Variants in CNTNAP2 observed in about 807,000 individuals in gnomAD.
The protein encoded by CNTNAP2 is contactin-associated protein-like 2.
Under a neutral mutation model 155.2 loss-of-function variants are expected in CNTNAP2, and 98 were observed. The observed-to-expected ratio is 0.63, with a 90% CI of 0.54 to 0.75. CNTNAP2 has a LOEUF of 0.75. Among genes scored for constraint, CNTNAP2 ranks in the 30% least tolerant of loss-of-function variants. The pLI, the probability that CNTNAP2 is intolerant of heterozygous loss-of-function variation, is 0.00. For synonymous variants in CNTNAP2, 651 were observed against 631.2 expected, an observed-to-expected ratio of 1.03 and a Z score of -0.47; for missense variants, 1,727 against 1,688.1, an observed-to-expected ratio of 1.02 and a Z score of -0.40.
intron 1 of CNTNAP2, among the ~76,000 whole-genome samples, chr7:146,650,864 A>G (rs911587242): frequency 2.6e-5 from 4 of 152,126 alleles, no homozygotes; most frequent in East Asian, 3.9e-4. Flanking sequence ...GATTCCTTTC[A>G]TTAGAAAACA....
intron 1 of CNTNAP2, among the ~76,000 whole-genome samples, chr7:146,501,604 G>T (rs1389561014): frequency 6.6e-6 from 1 of 152,012 alleles, no homozygotes; most frequent in South Asian, 2.1e-4. Context: ...TCAACCGTAA[G>T]TAATTAGAGT....
intron 8 of CNTNAP2, among the ~76,000 whole-genome samples, chr7:147,164,744 G>A (rs969492387): frequency 6.6e-6 from 1 of 152,096 alleles, no homozygotes. Flanking sequence ...TTCTAAATAT[G>A]CGCTTTTCAA....
At chr7:146,751,172 AT>A (rs1442484257) in intron 1 of CNTNAP2, among the ~76,000 whole-genome samples, 3 of 152,204 alleles carry the variant, frequency 2.0e-5, no homozygotes, top group African/African-American at 7.2e-5. Flanking sequence ...GATAATCAGG[AT>A]AACTTTTGAA....
At chr7:147,854,958 A>G (rs1473708121) in intron 13 of CNTNAP2, among the ~76,000 whole-genome samples, 1 of 152,238 alleles carries the variant, frequency 6.6e-6, no homozygotes, top group Admixed American at 6.5e-5. Context: ...AAGAGAATAT[A>G]AAATAGCCCA....
intron 13 of CNTNAP2, among the ~76,000 whole-genome samples, chr7:147,703,296 A>T (rs1480624476): frequency 1.3e-5 from 2 of 152,214 alleles, no homozygotes; most frequent in Admixed American, 1.3e-4. Context: ...TCTAACAGTA[A>T]TGAATTTCTG....
At chr7:147,131,691 ATATC>A (rs1052222835) in intron 7 of CNTNAP2, among the ~76,000 whole-genome samples, 9 of 152,236 alleles carry the variant, frequency 5.9e-5, no homozygotes, top group South Asian at 2.1e-4. Context: ...TGAAAACTTA[ATATC>A]TATCTATCTA....
At chr7:146,339,437 A>G (rs1801336005) in intron 1 of CNTNAP2, among the ~76,000 whole-genome samples, 2 of 152,166 alleles carry the variant, frequency 1.3e-5, no homozygotes, top group African/African-American at 4.8e-5. Flanking sequence ...ATTATTCCAT[A>G]GTGACATGTC....
At chr7:146,614,281 C>T (rs1799187778) in intron 1 of CNTNAP2, among the ~76,000 whole-genome samples, 2 of 152,114 alleles carry the variant, frequency 1.3e-5, no homozygotes, top group Admixed American at 1.3e-4. Flanking sequence ...TATGTGTAAG[C>T]TTTATTTTTA....
In CNTNAP2 at chr7:147,065,075, C is replaced by T. The variant is rs1057105418; in HGVS notation, c.550+21021C>T. On this transcript the variant is annotated intron_variant, in intron 4 of 23. Coordinates refer to ENST00000361727, the MANE Select transcript of CNTNAP2 (RefSeq NM_014141.6). ...AGTTTAGATGAGATTGTTTTAAATG[C>T]ACAAATGGACAAGAAATCTACTGTA... Among the ~76,000 whole-genome samples, 11 of 152,246 alleles carry T rather than the reference C, an allele frequency of 7.2e-5. No homozygotes were observed. In the South Asian group the frequency reaches 2.3e-3, roughly 32 times the overall value.
At chr7:146,633,067 C>T (rs1799535899) in intron 1 of CNTNAP2, among the ~76,000 whole-genome samples, 3 of 152,026 alleles carry the variant, frequency 2.0e-5, no homozygotes, top group Admixed American at 1.3e-4. Context: ...TTTCTTTGTC[C>T]CTTTTTTAGT....
chr7:147,334,199 G>A (rs544982050), intron 9 of CNTNAP2, among the ~76,000 whole-genome samples: 1 of 152,220 alleles, frequency 6.6e-6, no homozygotes, highest in African/African-American at 2.4e-5. Context: ...TCCATCTTTT[G>A]TAGTTATTCT....
chr7:146,867,304 G>A (rs1399120017), intron 3 of CNTNAP2, among the ~76,000 whole-genome samples: 1 of 152,074 alleles, frequency 6.6e-6, no homozygotes, highest in African/African-American at 2.4e-5. Context: ...AGTTTGCTAA[G>A]GATGATGACC....
intron 13 of CNTNAP2, among the ~76,000 whole-genome samples, chr7:147,732,302 A>T (rs141996615): frequency 3.3e-5 from 5 of 149,938 alleles, no homozygotes; most frequent in African/African-American, 1.2e-4. Flanking sequence ...GTTTTCTGTC[A>T]TTGCGATAGT....
intron 1 of CNTNAP2, among the ~76,000 whole-genome samples, chr7:146,386,577 G>A (rs1210543703): frequency 6.6e-5 from 10 of 152,048 alleles, no homozygotes; most frequent in East Asian, 3.9e-4. Context: ...CAGTAGAGAC[G>A]GGGTTTCACC....
At chr7:146,154,275 A>G (rs923130374) in intron 1 of CNTNAP2, among the ~76,000 whole-genome samples, 9 of 152,150 alleles carry the variant, frequency 5.9e-5, no homozygotes, top group African/African-American at 1.2e-4. Flanking sequence ...GGGTTGCTAT[A>G]TATTCCCCCC....
chr7:146,304,213 C>G (rs564759401), intron 1 of CNTNAP2, among the ~76,000 whole-genome samples: 1 of 151,386 alleles, frequency 6.6e-6, no homozygotes, highest in East Asian at 1.9e-4. Flanking sequence ...TGGGTCTTGA[C>G]TCTTTATCCA....
At chr7:148,176,859 T>C (rs1453310980) in intron 18 of CNTNAP2, among the ~76,000 whole-genome samples, 10 of 152,190 alleles carry the variant, frequency 6.6e-5, no homozygotes, top group Non-Finnish European at 1.5e-5. Flanking sequence ...GGTTTAACTG[T>C]GGGTCTGTCA....
chr7:147,826,326 A>G (rs143369847), intron 13 of CNTNAP2, among the ~76,000 whole-genome samples: 77 of 152,364 alleles, frequency 5.1e-4, no homozygotes, highest in African/African-American at 1.4e-3. Context: ...TATAAGTGAT[A>G]GTATAATCCT....
At chr7:147,327,183 C>T (rs2116833194) in intron 9 of CNTNAP2, among the ~76,000 whole-genome samples, 1 of 152,266 alleles carries the variant, frequency 6.6e-6, no homozygotes, top group East Asian at 1.9e-4. Flanking sequence ...TCATTGGCTT[C>T]TTACTAGTTC....
Sources: gnomAD v4.1 joint callset for allele counts (sites outside exome capture counted in the v4.1 genomes callset) on GRCh38, gnomAD v4.1.1 for gene constraint, MANE v1.5 for transcripts, NCBI Gene and HGNC (gene_info 2026-07-23, HGNC 2026-07-21) for gene names.